The following NTRK3 variants were observed in gnomAD, a reference collection of about 807,000 sequenced individuals.
NTRK3 encodes NT-3 growth factor receptor.
A neutral mutation model predicts 91.7 loss-of-function variants in NTRK3; 24 were observed. That is an observed-to-expected ratio of 0.26 (90% CI 0.19 to 0.37). The LOEUF (loss-of-function observed/expected upper bound fraction) is 0.37, where lower values mean the gene tolerates loss of function less well. NTRK3 is among the 10% of genes least tolerant of loss of function. The pLI is 1.00. For synonymous variants in NTRK3, 483 were observed against 404.0 expected (o/e 1.20, Z -2.34); for missense variants, 880 against 1,068.9 (o/e 0.82, Z 2.46).
chr15:88,218,479 A>C (rs575719307), intron 3 of NTRK3, among the ~76,000 whole-genome samples: 28 of 152,320 alleles, frequency 1.8e-4, no homozygotes, highest in African/African-American at 6.3e-4. Context: ...TGGGATAATA[A>C]TGCTCATCAA....
intron 13 of NTRK3, among the ~76,000 whole-genome samples, chr15:88,103,316 C>T (rs188115841): frequency 6.6e-6 from 1 of 152,094 alleles, no homozygotes; most frequent in African/African-American, 2.4e-5. Context: ...GAGAAGAAAT[C>T]CTGCCTCAAG....
intron 17 of NTRK3, among the ~76,000 whole-genome samples, chr15:87,890,722 T>G (rs1458897859): frequency 6.6e-6 from 1 of 152,172 alleles, no homozygotes; most frequent in Non-Finnish European, 1.5e-5. Flanking sequence ...CAATAAATAG[T>G]CTTCATAGCA....
chr15:88,235,813 C>A lies in NTRK3; in HGVS notation c.248+20093G>T, dbSNP rs2051668611. Among the ~76,000 whole-genome samples the A allele has an allele frequency of 6.6e-6, 1 of 152,228 alleles. No individual in the cohort carries two copies. Among genetic ancestry groups the A allele is most frequent in the African/African-American group, 2.4e-5 (1 of 41,454 alleles). ...GAAGCTGTGCACCACAACAGGAACC[C>A]CCCTGGGGCTTTGAGTCAAACAGGA... On this transcript the variant is annotated intron_variant, in intron 3 of 18. Coordinates refer to ENST00000394480, the Ensembl canonical transcript of NTRK3. The surrounding 1 kb of genome is among the most constrained non-coding windows in gnomAD (Gnocchi z 5.2).
chr15:88,177,671 G>C (rs2046119427), intron 5 of NTRK3, among the ~76,000 whole-genome samples: 1 of 152,164 alleles, frequency 6.6e-6, no homozygotes, highest in Admixed American at 6.5e-5. Flanking sequence ...GTTGACTCAT[G>C]ACTGGGGCAT....
exon 19 of NTRK3, chr15:87,868,182 T>C: frequency 4.3e-6 from 1 of 231,384 alleles, no homozygotes; most frequent in Non-Finnish European, 8.6e-6. Flanking sequence ...TGCGCATATA[T>C]GTACACACGA....
exon 19 of NTRK3, chr15:87,865,033 TC>T (rs1408160446): frequency 2.3e-5 from 5 of 214,048 alleles, no homozygotes; most frequent in Non-Finnish European, 2.8e-5. Context: ...TTGAGCCCAA[TC>T]TTTTGTCATC....
At chr15:88,028,823 T>C (rs2078274032) in intron 14 of NTRK3, among the ~76,000 whole-genome samples, 1 of 152,180 alleles carries the variant, frequency 6.6e-6, no homozygotes, top group South Asian at 2.1e-4. Context: ...GAGAACCCTG[T>C]TCATCCTTAA....
intron 3 of NTRK3, among the ~76,000 whole-genome samples, chr15:88,189,251 A>T (rs2047191366): frequency 6.6e-6 from 1 of 151,678 alleles, no homozygotes; most frequent in Non-Finnish European, 1.5e-5. Flanking sequence ...AAACATACCC[A>T]CTCTTAGTGA....
intron 3 of NTRK3, among the ~76,000 whole-genome samples, chr15:88,192,661 C>T (rs1054313486): frequency 6.6e-6 from 1 of 152,166 alleles, no homozygotes; most frequent in South Asian, 2.1e-4. Flanking sequence ...CCACCAGATG[C>T]CTCTAGGGCT....
At chr15:87,990,215 A>G (rs1163445149) in intron 14 of NTRK3, among the ~76,000 whole-genome samples, 1 of 152,138 alleles carries the variant, frequency 6.6e-6, no homozygotes, top group East Asian at 1.9e-4. Flanking sequence ...TCAGGCTCAC[A>G]GGTTCCTATT....
chr15:88,147,221 G>A lies in NTRK3; in HGVS notation c.464+114C>T, dbSNP rs574220183. On this transcript the variant is annotated intron_variant, in intron 6 of 18. Coordinates refer to ENST00000394480, the Ensembl canonical transcript of NTRK3. The stretch of plus-strand genomic sequence containing the variant: ...ACTCTGTGTCAACCAACCCAAGTAG[G>A]CTCTTCGAGTAGATGTATGCTCAGC... 4.2e-6 allele frequency: 4 copies of A among 962,972 alleles called. No individual in the cohort carries two copies. In the Admixed American group the frequency reaches 5.8e-5, roughly 14 times the overall value. 59.7% of individuals were successfully genotyped at this position (962,972 alleles called of 1,614,324 possible).
intron 13 of NTRK3, among the ~76,000 whole-genome samples, chr15:88,040,163 A>G (rs2079463985): frequency 1.3e-5 from 2 of 152,250 alleles, no homozygotes; most frequent in South Asian, 4.1e-4. Context: ...AGAAGTTACT[A>G]TTTATTCCTA....
At chr15:88,132,292 C>G (rs1254639420) in intron 10 of NTRK3, among the ~76,000 whole-genome samples, 1 of 152,246 alleles carries the variant, frequency 6.6e-6, no homozygotes, top group Non-Finnish European at 1.5e-5. Flanking sequence ...AGCTAGTAAG[C>G]CTTTTCTCTG....
chr15:88,207,538 CA>C (rs376422534), intron 3 of NTRK3, among the ~76,000 whole-genome samples: 3 of 152,352 alleles, frequency 2.0e-5, no homozygotes, highest in African/African-American at 7.2e-5. Context: ...CTCATCCAGT[CA>C]CAGAGACTCA....
intron 3 of NTRK3, among the ~76,000 whole-genome samples, chr15:88,221,217 C>T (rs537671189): frequency 2.9e-4 from 44 of 152,314 alleles, no homozygotes; most frequent in South Asian, 1.9e-3. Flanking sequence ...CTGGCAATTA[C>T]GGCTCCCAGA....
chr15:88,054,552 C>G (rs2045518652), intron 13 of NTRK3, among the ~76,000 whole-genome samples: 1 of 152,152 alleles, frequency 6.6e-6, no homozygotes, highest in Admixed American at 6.5e-5. Flanking sequence ...TACAATTAGA[C>G]AGTTAGAATT....
At chr15:88,033,141 C>G in intron 13 of NTRK3, 96 bp from the exon 14 acceptor site, 1 of 1,024,010 alleles carries the variant, frequency 9.8e-7, no homozygotes, top group South Asian at 1.5e-5. Flanking sequence ...GTTCCCATCA[C>G]AAACATTTTC....
At chr15:88,230,898 A>C (rs1366887273) in intron 3 of NTRK3, among the ~76,000 whole-genome samples, 4 of 152,268 alleles carry the variant, frequency 2.6e-5, no homozygotes, top group Non-Finnish European at 5.9e-5. Flanking sequence ...AAGACATGCC[A>C]GTTGGTTGAC....
At chr15:87,883,460 G>A (rs898821698) in intron 17 of NTRK3, among the ~76,000 whole-genome samples, 10 of 149,932 alleles carry the variant, frequency 6.7e-5, no homozygotes, top group African/African-American at 2.2e-4. Flanking sequence ...AACTGACAAA[G>A]CTATCATTAT....
Sources: allele counts gnomAD v4.1 joint callset (sites outside exome capture counted in the v4.1 genomes callset), GRCh38; gene constraint gnomAD v4.1.1; non-coding constraint Gnocchi (gnomAD v3.1); transcripts MANE v1.5; gene names NCBI Gene and HGNC (gene_info 2026-07-23, HGNC 2026-07-21).